The following MORF4L1 variants were observed in gnomAD, a reference collection of about 807,000 sequenced individuals.
The protein encoded by MORF4L1 is mortality factor 4-like protein 1.
In MORF4L1, 4 loss-of-function variants were observed where a neutral mutation model predicts 52.9. The ratio of observed to expected loss-of-function variants is 0.08; its 90% CI spans 0.04 to 0.17. The LOEUF (loss-of-function observed/expected upper bound fraction) is 0.17, where lower values mean the gene tolerates loss of function less well. MORF4L1 is among the 10% of genes least tolerant of loss of function. The pLI is 1.00. For missense variants in MORF4L1, 214 were observed against 390.4 expected, an observed-to-expected ratio of 0.55 and a Z score of 3.81; for synonymous variants, 123 against 134.8, an observed-to-expected ratio of 0.91 and a Z score of 0.61.
At chr15:78,881,874 C>G (rs1188555797) in intron 3 of MORF4L1, among the ~76,000 whole-genome samples, 1 of 152,156 alleles carries the variant, frequency 6.6e-6, no homozygotes, top group Non-Finnish European at 1.5e-5. Flanking sequence ...TCAGTGCCAT[C>G]TGATTTGATG....
chr15:78,897,307 G>A lies in MORF4L1; in HGVS notation c.*240G>A, dbSNP rs1006941919. The A allele has an allele frequency of 5.7e-6, 2 of 351,888 alleles. No individual in the cohort carries two copies. The highest frequency in any genetic ancestry group is 4.2e-5 in the African/African-American group (2 of 47,884). 21.8% of individuals were successfully genotyped at this position (351,888 alleles called of 1,614,324 possible). On this transcript the variant is annotated 3_prime_UTR_variant, in exon 12 of 12. Coordinates refer to ENST00000426013, the MANE Select transcript of MORF4L1 (RefSeq NM_006791.4). ...TCAATGATGGACAACAGAGGGATAT[G>A]CTGTAGAGTGTTTTATTGCCTAGTT... is the stretch of plus-strand genomic sequence containing the variant.
chr15:78,894,724 A>T, intron 10 of MORF4L1, 96 bp from the exon 11 acceptor site: 1 of 962,774 alleles, frequency 1.0e-6, no homozygotes, highest in Non-Finnish European at 1.7e-6. Flanking sequence ...CATGTATTTT[A>T]AAGGAATTGG....
At chr15:78,875,372 G>C (rs1431099159) in intron 1 of MORF4L1, among the ~76,000 whole-genome samples, 1 of 152,214 alleles carries the variant, frequency 6.6e-6, no homozygotes, top group Non-Finnish European at 1.5e-5. Flanking sequence ...GTATCCCCAG[G>C]TAAGGGTTTG....
chr15:78,896,283 A>AT (rs1410898433), intron 11 of MORF4L1, among the ~76,000 whole-genome samples: 1 of 116,198 alleles, frequency 8.6e-6, no homozygotes, highest in African/African-American at 3.1e-5. Context: ...GCCTGATAGG[A>AT]TTTTTTTCTT....
In MORF4L1 at chr15:78,891,631, CAT is replaced by C. The variant is rs1224097564; in HGVS notation, c.438+61_438+62del. 7 of 1,322,956 alleles carry C rather than the reference CAT, an allele frequency of 5.3e-6. No individual in the cohort carries two copies. In the African/African-American group the frequency reaches 1.0e-4, roughly 19 times the overall value. 82.0% of individuals were successfully genotyped at this position (1,322,956 alleles called of 1,614,324 possible). ...AGGATTTTTAGTCTCAGTTACATGACATAACCATGGGAGCTTTGATTATCTAC... is the reference window on the plus strand; with the variant it reads ...AGGATTTTTAGTCTCAGTTACATGACAACCATGGGAGCTTTGATTATCTAC... On this transcript the variant is annotated intron_variant, in intron 7 of 11. Coordinates refer to ENST00000426013, the MANE Select transcript of MORF4L1 (RefSeq NM_006791.4).
chr15:78,876,885 TAA>T lies in MORF4L1; in HGVS notation c.41-1327_41-1326del, dbSNP rs1257771663. On this transcript the variant is annotated intron_variant, in intron 1 of 11. Coordinates refer to ENST00000426013, the MANE Select transcript of MORF4L1 (RefSeq NM_006791.4). ...TAGGTCGTGCTCTGGGAGAGTCTAA[TAA>T]TATGGGTCTTTGGTGGGGCTTGAAA... Among the ~76,000 whole-genome samples the T allele has an allele frequency of 4.6e-5, 7 of 152,280 alleles. No homozygotes were observed. In the South Asian group the frequency reaches 6.2e-4, roughly 14 times the overall value.
chr15:78,885,181 GAAATCATTAAACAAAAGA>G (rs1302055723), intron 3 of MORF4L1: 2 of 928,464 alleles, frequency 2.2e-6, no homozygotes, highest in Non-Finnish European at 3.2e-6. Flanking sequence ...TCAGAGGTGG[GAAATCATTAAACAAAAGA>G]AAGTCTTAAA....
intron 1 of MORF4L1, among the ~76,000 whole-genome samples, chr15:78,874,446 C>A (rs1395504464): frequency 6.6e-6 from 1 of 152,166 alleles, no homozygotes; most frequent in Admixed American, 6.5e-5. Context: ...TATCTCGGCT[C>A]ACCTCTGCCC....
intron 1 of MORF4L1, among the ~76,000 whole-genome samples, chr15:78,874,683 C>A (rs2056448136): frequency 6.7e-6 from 1 of 150,260 alleles, no homozygotes; most frequent in African/African-American, 2.4e-5. Flanking sequence ...CCGCCTCGGC[C>A]TCCCAAAGTT....
At chr15:78,887,715 T>C (rs2056730454) in intron 5 of MORF4L1, among the ~76,000 whole-genome samples, 1 of 152,192 alleles carries the variant, frequency 6.6e-6, no homozygotes, top group African/African-American at 2.4e-5. Context: ...GTGAAACTCA[T>C]GGTAAGAATA....
chr15:78,894,546 C>G, intron 10 of MORF4L1: 1 of 406,976 alleles, frequency 2.5e-6, no homozygotes, highest in Non-Finnish European at 4.4e-6. Flanking sequence ...TAGCTGGGAT[C>G]ACAGGTGTGC....
intron 1 of MORF4L1, 163 bp downstream of exon 1, chr15:78,873,220 T>C: frequency 6.6e-7 from 1 of 1,512,806 alleles, no homozygotes; most frequent in Non-Finnish European, 8.8e-7. Context: ...GCAATTCCGG[T>C]GCGTCATTGT....
chr15:78,892,263 C>G lies in MORF4L1; in HGVS notation c.490C>G (p.Leu164Val). The G allele has an allele frequency of 6.2e-7, 1 of 1,613,664 alleles. No individual in the cohort carries two copies. The highest frequency in any genetic ancestry group is 2.2e-5 in the East Asian group (1 of 44,842). Residue 164 changes from leucine (L) to valine (V), a missense_variant, in exon 8 of 12, where the codon CTA becomes GTA. By Grantham distance (32) the Leu-to-Val change is conservative (BLOSUM62 1). Around this residue, in one of 5 missense-constraint regions of MORF4L1, gnomAD observed 68 missense variants for 171.6 expected, o/e 0.40. Transcript: ENST00000426013. ...VEVKVKIPEE[L>V]KPWLVDDWDL... is the part of the protein sequence containing the mutation. The stretch of plus-strand genomic sequence containing the variant: ...AGTTAAAGTAAAGATTCCTGAAGAG[C>G]TAAAACCGTGGCTTGTTGATGACTG...
intron 3 of MORF4L1, chr15:78,884,959 T>G (rs1212970366): frequency 1.9e-6 from 3 of 1,607,220 alleles, no homozygotes; most frequent in Non-Finnish European, 1.7e-6. Context: ...CTATGCTGTC[T>G]GTATCAGAAG....
chr15:78,877,893 A>C, intron 1 of MORF4L1: 1 of 230,930 alleles, frequency 4.3e-6, no homozygotes, highest in East Asian at 8.6e-5. Flanking sequence ...TTTCAGATAT[A>C]TAGTTAAAAC....
intron 3 of MORF4L1, 102 bp from the exon 4 acceptor site, chr15:78,886,039 A>C: frequency 2.5e-6 from 2 of 809,414 alleles, no homozygotes; most frequent in Admixed American, 2.1e-5. Flanking sequence ...GTGCCAGTTC[A>C]TCAAATTACT....
intron 4 of MORF4L1, 23 bp from the exon 5 acceptor site, chr15:78,887,246 C>G (rs1190045216): frequency 6.3e-7 from 1 of 1,581,192 alleles, no homozygotes. Flanking sequence ...TTTATGTTGA[C>G]ATTACTGAAA....
chr15:78,894,116 G>T lies in MORF4L1; in HGVS notation c.688G>T (p.Gly230Cys), dbSNP rs1265905204. The T allele has an allele frequency of 6.2e-7, 1 of 1,613,626 alleles. No homozygotes were observed. The highest frequency in any genetic ancestry group is 1.1e-5 in the South Asian group (1 of 91,052). ...GIKEYFNVML[G>C]TQLLYKFERP... ...AAAAGAATACTTCAACGTAATGTTGGGTACCCAGCTACTCTATAAATTTGA... is the reference window on the plus strand; with the variant it reads ...AAAAGAATACTTCAACGTAATGTTGTGTACCCAGCTACTCTATAAATTTGA... Residue 230 changes from glycine to cysteine, a missense_variant, in exon 10 of 12, where the codon GGT becomes TGT. Physicochemically the swap from Gly to Cys is radical, Grantham distance 159. This residue lies in a region of MORF4L1 where 68 missense variants were observed against 171.6 expected (regional missense o/e 0.40). Coordinates refer to ENST00000426013, the MANE Select transcript of MORF4L1 (RefSeq NM_006791.4).
rs538763139 is a variant in MORF4L1 at position 78,875,984 on chromosome 15, C to T, written c.41-2229C>T. Among the ~76,000 whole-genome samples the T allele has an allele frequency of 4.6e-5, 7 of 151,980 alleles. No individual in the cohort carries two copies. The South Asian group carries it at 1.5e-3, about 32-fold the overall frequency. ...AGACAGTCTTGCTCTGTCGCCCAGG[C>T]TGGAGTCCAGTGGCGCGATCTCGGG... On this transcript the variant is annotated intron_variant, in intron 1 of 11. Transcript: ENST00000426013.
Sources: gnomAD v4.1 joint callset for allele counts (sites outside exome capture counted in the v4.1 genomes callset) on GRCh38, gnomAD v4.1.1 for gene constraint, gnomAD v4.1.1 regional missense constraint, MANE v1.5 for transcripts, NCBI Gene and HGNC (gene_info 2026-07-23, HGNC 2026-07-21) for gene names.